Variants in RORA observed in about 807,000 individuals in gnomAD.
RORA encodes the protein nuclear receptor ROR-alpha.
A neutral mutation model predicts 69.5 loss-of-function variants in RORA; 7 were observed. That is an observed-to-expected ratio of 0.10 (90% confidence interval 0.06 to 0.19). The LOEUF (loss-of-function observed/expected upper bound fraction) is 0.19, where lower values mean the gene tolerates loss of function less well. Among genes scored for constraint, RORA ranks in the 10% least tolerant of loss-of-function variants. The pLI is 1.00. For synonymous variants in RORA, 261 were observed against 240.8 expected, an observed-to-expected ratio of 1.08 and a Z score of -0.78; for missense variants, 457 against 663.0, an observed-to-expected ratio of 0.69 and a Z score of 3.41.
At chr15:60,675,226 T>C (rs1392458846) in intron 2 of RORA, among the ~76,000 whole-genome samples, 1 of 152,128 alleles carries the variant, frequency 6.6e-6, no homozygotes, top group Non-Finnish European at 1.5e-5. Flanking sequence ...CAGCAGCTGA[T>C]TCCGAAAATG....
chr15:60,655,294 G>A (rs564463298), intron 2 of RORA, among the ~76,000 whole-genome samples: 9 of 152,116 alleles, frequency 5.9e-5, no homozygotes, highest in Admixed American at 5.9e-4. Context: ...GGCTCAGAAG[G>A]GTGTACAGTT....
intron 2 of RORA, among the ~76,000 whole-genome samples, chr15:60,583,736 T>C (rs1427249371): frequency 6.6e-6 from 1 of 152,192 alleles, no homozygotes; most frequent in Non-Finnish European, 1.5e-5. Flanking sequence ...ATTTCAAGTG[T>C]GTTAATAACA....
chr15:60,819,922 C>T (rs1257200073), intron 1 of RORA, among the ~76,000 whole-genome samples: 2 of 152,186 alleles, frequency 1.3e-5, no homozygotes, highest in Non-Finnish European at 2.9e-5. Flanking sequence ...ACCGATCCTG[C>T]CTGCTTCCCT....
chr15:61,170,826 G>A (rs1267132537), intron 1 of RORA, among the ~76,000 whole-genome samples: 1 of 152,160 alleles, frequency 6.6e-6, no homozygotes, highest in African/African-American at 2.4e-5. Context: ...GCAAATGGAA[G>A]CGTAATTGGG....
At chr15:60,722,148 C>T (rs762767723) in intron 1 of RORA, among the ~76,000 whole-genome samples, 2 of 152,232 alleles carry the variant, frequency 1.3e-5, no homozygotes, top group African/African-American at 2.4e-5. Flanking sequence ...TCTCCCTTAA[C>T]TCCATTCTCT....
intron 1 of RORA, among the ~76,000 whole-genome samples, chr15:61,207,082 G>GTATA (rs34576706): frequency 4.7e-4 from 72 of 151,616 alleles, no homozygotes; most frequent in Middle Eastern, 3.4e-3. Context: ...ATACGTGTGT[G>GTATA]TATATATATA....
At chr15:60,799,980 A>G (rs1381551623) in intron 1 of RORA, among the ~76,000 whole-genome samples, 1 of 152,218 alleles carries the variant, frequency 6.6e-6, no homozygotes, top group Non-Finnish European at 1.5e-5. Context: ...TGTTTCCTAT[A>G]GAGGGCTGCA....
intron 1 of RORA, among the ~76,000 whole-genome samples, chr15:60,766,008 T>C (rs2071983716): frequency 6.6e-6 from 1 of 152,144 alleles, no homozygotes; most frequent in African/African-American, 2.4e-5. Flanking sequence ...TCGCCTGCAG[T>C]GTCTGTAATT....
At chr15:61,182,592 G>A (rs2079697620) in intron 1 of RORA, among the ~76,000 whole-genome samples, 1 of 152,206 alleles carries the variant, frequency 6.6e-6, no homozygotes. Context: ...AATGAACCAT[G>A]ACAAAGGCTT....
chr15:60,888,932 G>A (rs2073781657), intron 1 of RORA, among the ~76,000 whole-genome samples: 1 of 146,260 alleles, frequency 6.8e-6, no homozygotes, highest in African/African-American at 2.5e-5. Flanking sequence ...GGTGGGTGGG[G>A]GCAGAGTAGG....
At chr15:60,521,902 C>T (rs1728443228) in intron 3 of RORA, among the ~76,000 whole-genome samples, 1 of 152,096 alleles carries the variant, frequency 6.6e-6, no homozygotes, top group Admixed American at 6.5e-5. Context: ...TTCAAAACGC[C>T]TTGTGCTTTT....
intron 1 of RORA, among the ~76,000 whole-genome samples, chr15:61,090,864 C>T (rs1019597433): frequency 2.0e-5 from 3 of 151,968 alleles, no homozygotes; most frequent in African/African-American, 7.3e-5. Context: ...CCAAAACGCC[C>T]CCCAAAATTC....
At position 60,610,861 on chromosome 15, in the gene RORA, T is replaced by C. The variant is rs1190687981; in HGVS notation, c.196+67796A>G. Among the ~76,000 whole-genome samples, 13 of 152,296 alleles carry C rather than the reference T, an allele frequency of 8.5e-5. No homozygotes were observed. In the South Asian group the frequency reaches 2.1e-3, roughly 24 times the overall value. ...TCAAGTGCCATGTGGATAAATTGCA[T>C]TGTGGAGATAAAATATAGAGACTTT... On this transcript the variant is annotated intron_variant, in intron 2 of 10. Coordinates refer to ENST00000335670, the MANE Select transcript of RORA (RefSeq NM_134261.3).
At chr15:61,228,823 C>A (rs559329835) in intron 1 of RORA, among the ~76,000 whole-genome samples, 1 of 151,892 alleles carries the variant, frequency 6.6e-6, no homozygotes, top group Admixed American at 6.5e-5. Flanking sequence ...ACCTTCCCGC[C>A]GCCTCCCCCG....
chr15:60,548,344 A>G (rs533783129), intron 2 of RORA, among the ~76,000 whole-genome samples: 1 of 152,328 alleles, frequency 6.6e-6, no homozygotes, highest in East Asian at 1.9e-4. Context: ...CACTGTCTCC[A>G]TGAACACTGC....
intron 1 of RORA, among the ~76,000 whole-genome samples, chr15:60,684,282 T>C (rs1052339951): frequency 3.9e-5 from 6 of 151,966 alleles, no homozygotes; most frequent in African/African-American, 1.4e-4. Flanking sequence ...ACTTTTGAGA[T>C]AGAGATATTA....
At chr15:60,503,425 T>G (rs1361910432) in intron 7 of RORA, 110 bp downstream of exon 7, 4 of 1,044,162 alleles carry the variant, frequency 3.8e-6, no homozygotes, top group South Asian at 1.7e-5. Context: ...CCTGAGCTAT[T>G]ATCATTGGAG....
chr15:61,006,499 A>G (rs1383883522), intron 1 of RORA, among the ~76,000 whole-genome samples: 1 of 152,174 alleles, frequency 6.6e-6, no homozygotes, highest in African/African-American at 2.4e-5. Context: ...AGCCACTGGG[A>G]AAAGTCTGCC....
intron 1 of RORA, among the ~76,000 whole-genome samples, chr15:60,809,000 T>C (rs184666849): frequency 6.6e-6 from 1 of 152,058 alleles, no homozygotes; most frequent in Non-Finnish European, 1.5e-5. Flanking sequence ...GAATGACACA[T>C]TGGACTTTGG....
Sources: gnomAD v4.1 joint callset for allele counts (sites outside exome capture counted in the v4.1 genomes callset) on GRCh38, gnomAD v4.1.1 for gene constraint, MANE v1.5 for transcripts, NCBI Gene and HGNC (gene_info 2026-07-23, HGNC 2026-07-21) for gene names.